ADGRG7: variants seen among roughly 807,000 people sequenced by gnomAD.
ADGRG7 encodes the protein G-protein coupled receptor 128.
ADGRG7 carries 82 observed loss-of-function variants against 88.6 expected under a neutral mutation model. That is an observed-to-expected ratio of 0.93 (90% CI 0.77 to 1.11). ADGRG7 has a LOEUF of 1.11. Ranked by LOEUF, ADGRG7 falls within the 50% of genes most tolerant of loss-of-function variation. The probability of loss-of-function intolerance (pLI) is 0.00; values close to 1 mark genes in which losing one functional copy is unlikely to be tolerated. For missense variants in ADGRG7, 945 were observed against 953.4 expected, an observed-to-expected ratio of 0.99 and a Z score of 0.12; for synonymous variants, 381 against 345.2, an observed-to-expected ratio of 1.10 and a Z score of -1.15.
intron 1 of ADGRG7, among the ~76,000 whole-genome samples, chr3:100,621,003 C>A (rs1707304342): frequency 6.6e-6 from 1 of 152,008 alleles, no homozygotes; most frequent in East Asian, 1.9e-4. Flanking sequence ...TTATGGTGGT[C>A]TGTGATCATG....
At chr3:100,677,238 A>G (rs1011379786) in intron 15 of ADGRG7, among the ~76,000 whole-genome samples, 1 of 152,004 alleles carries the variant, frequency 6.6e-6, no homozygotes, top group Admixed American at 6.5e-5. Flanking sequence ...TTGTGTATCT[A>G]TTGTATGTTT....
At chr3:100,682,332 GC>G in intron 15 of ADGRG7, among the ~76,000 whole-genome samples, 1 of 152,302 alleles carries the variant, frequency 6.6e-6, no homozygotes, top group South Asian at 2.1e-4. Context: ...TGGGAGCCAG[GC>G]CCGAGATGTA....
chr3:100,668,565 C>T (rs2094954489), intron 14 of ADGRG7, among the ~76,000 whole-genome samples: 1 of 152,146 alleles, frequency 6.6e-6, no homozygotes, highest in Non-Finnish European at 1.5e-5. Flanking sequence ...CCTTTCTCTC[C>T]CTCATCAACT....
rs1339320017 is a variant in ADGRG7, at chr3:100,609,829, A to G, written c.-28A>G. ...AAAAGAAGCTAGTTATTTCTCACCC[A>G]GGAGTGGATTTGTGGTTTGGCTTCA... On this transcript the variant is annotated 5_prime_UTR_variant, in exon 1 of 16. Transcript: ENST00000273352. 4.6e-6 allele frequency: 7 copies of G among 1,520,576 alleles called. No individual in the cohort carries two copies. Among genetic ancestry groups the G allele is most frequent in the Admixed American group, 1.7e-5 (1 of 59,844 alleles). 94.2% of individuals were successfully genotyped at this position (1,520,576 alleles called of 1,614,324 possible). A position where few individuals can be genotyped will look rare whatever the true frequency, so the allele number is the denominator to read the frequency against.
chr3:100,679,434 G>A (rs936516066), intron 15 of ADGRG7, among the ~76,000 whole-genome samples: 1 of 152,198 alleles, frequency 6.6e-6, no homozygotes, highest in Non-Finnish European at 1.5e-5. Flanking sequence ...CCTGCTTGGT[G>A]TTCTACCCCA....
rs200662833 is a variant in ADGRG7, at chr3:100,669,678, T to TGC, written c.2136+573_2136+574insGC. On this transcript the variant is annotated intron_variant, in intron 15 of 15. Transcript: ENST00000273352. ...AATGGGGTACCCATATCCTCAAGCATTTACCCTTTCTGTTACAAACAATCA... is the reference window on the plus strand; with the variant it reads ...AATGGGGTACCCATATCCTCAAGCATGCTTACCCTTTCTGTTACAAACAATCA... Among the ~76,000 whole-genome samples, 1,018 of 152,136 alleles carry TGC rather than the reference T, an allele frequency of 6.7e-3. 14 individuals carry two copies. Among genetic ancestry groups the TGC allele is most frequent in the African/African-American group, 0.023 (968 of 41,486 alleles).
intron 4 of ADGRG7, 47 bp downstream of exon 4, chr3:100,633,424 C>T: frequency 9.3e-7 from 1 of 1,073,534 alleles, no homozygotes; most frequent in Non-Finnish European, 1.4e-6. Context: ...AGTTCTGATT[C>T]CGTGCAGTTT....
chr3:100,684,102 C>A (rs946331122), intron 15 of ADGRG7, among the ~76,000 whole-genome samples: 2 of 152,012 alleles, frequency 1.3e-5, no homozygotes, highest in Admixed American at 6.6e-5. Context: ...AGTGTACCAA[C>A]TTCTAGTTTG....
At position 100,695,244 on chromosome 3, in the gene ADGRG7, G is replaced by T; in HGVS notation, c.*243G>T. 1 of 441,554 alleles carries T rather than the reference G, an allele frequency of 2.3e-6. No homozygotes were observed. Among genetic ancestry groups the T allele is most frequent in the Non-Finnish European group, 4.0e-6 (1 of 249,878 alleles). The allele number at this position is 441,554 out of a possible 1,614,324, so 27.4% of individuals were successfully genotyped here. A position where few individuals can be genotyped will look rare whatever the true frequency, so the allele number is the denominator to read the frequency against. ...TCACACAACATACAAGAGTACCATT[G>T]TTCCTTATATCGTTAAATCTTTGTG... On this transcript the variant is annotated 3_prime_UTR_variant, in exon 16 of 16. Coordinates refer to ENST00000273352, the MANE Select transcript of ADGRG7 (RefSeq NM_032787.3).
intron 15 of ADGRG7, among the ~76,000 whole-genome samples, chr3:100,688,465 T>C (rs2094987129): frequency 1.3e-5 from 2 of 152,206 alleles, no homozygotes. Context: ...TTAGTTGTGA[T>C]GTTAGGGTGT....
chr3:100,610,872 T>C (rs1707137422), intron 1 of ADGRG7, among the ~76,000 whole-genome samples: 2 of 151,904 alleles, frequency 1.3e-5, no homozygotes, highest in Non-Finnish European at 2.9e-5. Context: ...GGACAGAAGG[T>C]TGGGGAGCTA....
chr3:100,671,729 TG>T (rs2094958894), intron 15 of ADGRG7, among the ~76,000 whole-genome samples: 1 of 152,202 alleles, frequency 6.6e-6, no homozygotes, highest in Non-Finnish European at 1.5e-5. Context: ...GTTAATTTTT[TG>T]TATAAGGTGT....
intron 10 of ADGRG7, among the ~76,000 whole-genome samples, chr3:100,649,202 A>G (rs1328545560): frequency 2.0e-5 from 3 of 152,254 alleles, no homozygotes; most frequent in Non-Finnish European, 4.4e-5. Context: ...ACCACATGGG[A>G]CAGTATGGGT....
intron 5 of ADGRG7, among the ~76,000 whole-genome samples, chr3:100,636,261 C>T (rs1189259333): frequency 6.6e-6 from 1 of 152,214 alleles, no homozygotes. Context: ...TCCTGGAATG[C>T]ATAAGTCTAC....
intron 15 of ADGRG7, among the ~76,000 whole-genome samples, chr3:100,687,202 C>T (rs1234966850): frequency 6.6e-6 from 1 of 152,182 alleles, no homozygotes. Flanking sequence ...TATAAGAATG[C>T]TTGTGATTTT....
chr3:100,653,027 C>T (rs1520648), intron 11 of ADGRG7, among the ~76,000 whole-genome samples: 15,894 of 152,218 alleles, frequency 0.1, 1,161 homozygotes, highest in East Asian at 0.27. Context: ...GACATCTTGA[C>T]CATCTGACAA....
rs1427041486 is a variant in ADGRG7 at position 100,665,516 on chromosome 3, C to T, written c.1980-3433C>T. ...CAGTGGCCTGTTGCCTTCACTTGGG[C>T]ACCTTTTTCTAGTGGGACTATATCT... On this transcript the variant is annotated intron_variant, in intron 14 of 15. Transcript: ENST00000273352. The T allele has an allele frequency of 6.4e-6, 3 of 471,732 alleles. No individual in the cohort carries two copies. In the Admixed American group the frequency reaches 7.1e-5, roughly 11 times the overall value. 29.2% of individuals were successfully genotyped at this position (471,732 alleles called of 1,614,324 possible). A position where few individuals can be genotyped will look rare whatever the true frequency, so the allele number is the denominator to read the frequency against.
chr3:100,643,968 T>G (rs1707692457), intron 8 of ADGRG7, among the ~76,000 whole-genome samples: 1 of 152,210 alleles, frequency 6.6e-6, no homozygotes, highest in Admixed American at 6.5e-5. Context: ...AATCACAAGC[T>G]CTGACCATGT....
chr3:100,635,415 TAC>T, intron 4 of ADGRG7: 2 of 443,532 alleles, frequency 4.5e-6, no homozygotes, highest in South Asian at 5.1e-5. Flanking sequence ...GGCCCATGGA[TAC>T]ACTCTAGTAG....
Sources: allele counts gnomAD v4.1 joint callset (sites outside exome capture counted in the v4.1 genomes callset), GRCh38; gene constraint gnomAD v4.1.1; transcripts MANE v1.5; gene names NCBI Gene and HGNC (gene_info 2026-07-23, HGNC 2026-07-21).